Variants in XXYLT1 observed in about 807,000 individuals in gnomAD.
The protein encoded by XXYLT1 is UDP-xylose:alpha-xyloside alpha-1,3-xylosyltransferase.
XXYLT1 carries 20 observed loss-of-function variants against 28.9 expected under a neutral mutation model. The ratio of observed to expected loss-of-function variants is 0.69; its 90% confidence interval spans 0.49 to 1.00. The LOEUF is 1.00. Among genes scored for constraint, XXYLT1 ranks in the 50% least tolerant of loss-of-function variants. XXYLT1 has a pLI of 0.00. For missense variants in XXYLT1, 542 were observed against 560.1 expected (o/e 0.97, Z 0.33); for synonymous variants, 257 against 253.8 (o/e 1.01, Z -0.12).
At chr3:195,153,320 C>G (rs1401209980) in intron 3 of XXYLT1, among the ~76,000 whole-genome samples, 7 of 152,220 alleles carry the variant, frequency 4.6e-5, no homozygotes, top group Non-Finnish European at 1.5e-5. Flanking sequence ...CAAGCCATTC[C>G]CAGCCCCAGC....
intron 2 of XXYLT1, among the ~76,000 whole-genome samples, chr3:195,164,014 G>A (rs776353110): frequency 1.9e-4 from 29 of 152,224 alleles, no homozygotes; most frequent in Admixed American, 3.3e-4. Flanking sequence ...GTCATGTGAC[G>A]ACACTTAGCT....
At chr3:195,237,486 G>A (rs1051594960) in intron 1 of XXYLT1, among the ~76,000 whole-genome samples, 4 of 151,888 alleles carry the variant, frequency 2.6e-5, no homozygotes, top group South Asian at 2.1e-4. Context: ...TGCTTCTTTC[G>A]GTAATATGAA....
rs144014223 is a variant in XXYLT1, at chr3:195,155,746, G to C, written c.785+703C>G. On this transcript the variant is annotated intron_variant, in intron 3 of 3. Coordinates refer to ENST00000310380, the MANE Select transcript of XXYLT1 (RefSeq NM_152531.5). ...GCACCTGCACATGTGCATCCCTAAA[G>C]GTTCCAGTTTGGTTTCGCTCTCGTC... Among the ~76,000 whole-genome samples the C allele has an allele frequency of 2.5e-3, 374 of 150,626 alleles. 3 individuals are homozygous for C. The highest frequency in any genetic ancestry group is 6.9e-3 in the Middle Eastern group (2 of 288).
intron 3 of XXYLT1, among the ~76,000 whole-genome samples, chr3:195,110,839 GTGT>G (rs1717651873): frequency 3.9e-5 from 2 of 51,808 alleles, no homozygotes; most frequent in South Asian, 9.8e-4. Context: ...TGTGTGTGGT[GTGT>G]TGTGTGTGTT....
intron 2 of XXYLT1, among the ~76,000 whole-genome samples, chr3:195,181,832 G>A (rs1178437335): frequency 1.3e-5 from 2 of 152,176 alleles, no homozygotes; most frequent in Non-Finnish European, 2.9e-5. Flanking sequence ...CTAACTCATG[G>A]ACAATGGGTA....
intron 3 of XXYLT1, among the ~76,000 whole-genome samples, chr3:195,100,540 C>T (rs1716719226): frequency 6.6e-6 from 1 of 152,052 alleles, no homozygotes; most frequent in African/African-American, 2.4e-5. Context: ...ATAAGGCTCC[C>T]GGTGATGTGG....
rs1345711544 is a variant in XXYLT1 at position 195,270,473 on chromosome 3, G to A, written c.504+82C>T. 7 of 1,343,530 alleles carry A rather than the reference G, an allele frequency of 5.2e-6. No homozygotes were observed. In the Admixed American group the frequency reaches 1.5e-4, roughly 30 times the overall value. 83.2% of individuals were successfully genotyped at this position (1,343,530 alleles called of 1,614,324 possible). A position where few individuals can be genotyped will look rare whatever the true frequency, so the allele number is the denominator to read the frequency against. ...GAAGATCCTACCCGCTAGTTCCCCG[G>A]ATCCCCTCCGGGAGCGCAAACTGAC... is the stretch of plus-strand genomic sequence containing the variant. On this transcript the variant is annotated intron_variant, in intron 1 of 3. Transcript: ENST00000310380.
intron 3 of XXYLT1, chr3:195,147,133 G>T (rs1023733197): frequency 6.5e-6 from 1 of 153,740 alleles, no homozygotes; most frequent in South Asian, 2.1e-4. Context: ...TGTTGACACC[G>T]CAGGCATTTG....
intron 3 of XXYLT1, among the ~76,000 whole-genome samples, chr3:195,148,388 T>C (rs950963360): frequency 7.2e-5 from 11 of 152,108 alleles, no homozygotes; most frequent in Non-Finnish European, 1.6e-4. Context: ...TGGCAAGCTT[T>C]TTTCTCCTTT....
intron 1 of XXYLT1, among the ~76,000 whole-genome samples, chr3:195,236,737 C>T (rs1560167818): frequency 6.6e-6 from 1 of 152,094 alleles, no homozygotes; most frequent in Non-Finnish European, 1.5e-5. Context: ...GAGTCTCACC[C>T]AAGGCCCATG....
At chr3:195,258,999 G>A (rs1445696323) in intron 1 of XXYLT1, among the ~76,000 whole-genome samples, 1 of 152,230 alleles carries the variant, frequency 6.6e-6, no homozygotes, top group African/African-American at 2.4e-5. Context: ...ACAGCAGGGT[G>A]TCAGTTCCCA....
chr3:195,179,297 G>A (rs916957745), intron 2 of XXYLT1, among the ~76,000 whole-genome samples: 15 of 148,746 alleles, frequency 1.0e-4, no homozygotes, highest in Non-Finnish European at 2.1e-4. Flanking sequence ...CCGAGATCGC[G>A]CCACTGCACT....
intron 2 of XXYLT1, among the ~76,000 whole-genome samples, chr3:195,178,828 T>C (rs576543480): frequency 1.3e-5 from 2 of 152,352 alleles, no homozygotes; most frequent in East Asian, 3.9e-4. Context: ...AGGCTCTCTC[T>C]GAATTTGTAA....
intron 2 of XXYLT1, among the ~76,000 whole-genome samples, chr3:195,157,306 T>C (rs1577090913): frequency 6.9e-6 from 1 of 144,010 alleles, no homozygotes; most frequent in Non-Finnish European, 1.5e-5. Flanking sequence ...GGAGCACAGG[T>C]GATAAATAAC....
At chr3:195,136,877 T>C (rs969944807) in intron 3 of XXYLT1, among the ~76,000 whole-genome samples, 2 of 152,102 alleles carry the variant, frequency 1.3e-5, no homozygotes, top group African/African-American at 4.8e-5. Context: ...TTATTCTTTG[T>C]TTTAGACCAT....
chr3:195,170,964 A>C (rs1021217047), intron 2 of XXYLT1, among the ~76,000 whole-genome samples: 1 of 152,180 alleles, frequency 6.6e-6, no homozygotes, highest in Non-Finnish European at 1.5e-5. Context: ...AGTTCAGTCA[A>C]ACCTCTGTGT....
At chr3:195,221,674 CAGG>C (rs1441934728) in intron 2 of XXYLT1, among the ~76,000 whole-genome samples, 1 of 152,232 alleles carries the variant, frequency 6.6e-6, no homozygotes, top group Non-Finnish European at 1.5e-5. Flanking sequence ...CCATGTGACC[CAGG>C]AGGGGGAAGC....
At chr3:195,254,853 G>T (rs12486168) in intron 1 of XXYLT1, among the ~76,000 whole-genome samples, 21,947 of 152,208 alleles carry the variant, frequency 0.14, 3,535 homozygotes, top group African/African-American at 0.39. Flanking sequence ...GCAGGTGATA[G>T]GACTGGGCCC....
chr3:195,247,660 AC>A, intron 1 of XXYLT1: 1 of 577,134 alleles, frequency 1.7e-6, no homozygotes, highest in South Asian at 2.0e-5. Flanking sequence ...CCAGGCTCGA[AC>A]CCTCCGACCC....
Sources: gnomAD v4.1 joint callset for allele counts (sites outside exome capture counted in the v4.1 genomes callset) on GRCh38, gnomAD v4.1.1 for gene constraint, MANE v1.5 for transcripts, NCBI Gene and HGNC (gene_info 2026-07-23, HGNC 2026-07-21) for gene names.